The following CSMD1 variants were observed in gnomAD, a reference collection of about 807,000 sequenced individuals.
CSMD1 encodes the protein CUB and Sushi multiple domains 1, also known as CUB and sushi domain-containing protein 1.
CSMD1 carries 213 observed loss-of-function variants against 417.5 expected under a neutral mutation model. The ratio of observed to expected loss-of-function variants is 0.51; its 90% CI spans 0.46 to 0.57. The LOEUF (loss-of-function observed/expected upper bound fraction) is 0.57, where lower values mean the gene tolerates loss of function less well. Ranked by LOEUF, CSMD1 falls within the 20% of genes least tolerant of loss-of-function variation. The pLI is 0.00. For synonymous variants in CSMD1, 2,862 were observed against 1,736.8 expected, an observed-to-expected ratio of 1.65 and a Z score of -16.11; for missense variants, 6,923 against 4,529.7, an observed-to-expected ratio of 1.53 and a Z score of -15.17.
intron 21 of CSMD1, among the ~76,000 whole-genome samples, chr8:3,357,456 T>A (rs910637097): frequency 7.2e-5 from 11 of 152,266 alleles, no homozygotes; most frequent in African/African-American, 2.7e-4. Flanking sequence ...CAGTGCCTAG[T>A]CTACCACACA....
chr8:4,586,255 A>C (rs1799694255), intron 2 of CSMD1, among the ~76,000 whole-genome samples: 1 of 152,214 alleles, frequency 6.6e-6, no homozygotes, highest in Non-Finnish European at 1.5e-5. Flanking sequence ...ACTAGTTCTT[A>C]TTCATTCTGA....
intron 3 of CSMD1, among the ~76,000 whole-genome samples, chr8:4,293,984 C>G (rs964559923): frequency 1.3e-5 from 2 of 151,780 alleles, no homozygotes; most frequent in African/African-American, 2.4e-5. Context: ...TTTGAACTTA[C>G]CAAATAGTGT....
At chr8:3,681,891 T>C (rs939082553) in intron 7 of CSMD1, among the ~76,000 whole-genome samples, 10 of 152,022 alleles carry the variant, frequency 6.6e-5, no homozygotes, top group African/African-American at 1.7e-4. Context: ...ATACCACACA[T>C]CTACGACTAT....
intron 6 of CSMD1, 63 bp from the exon 7 acceptor site, chr8:3,708,554 T>C (rs977735714): frequency 9.7e-5 from 134 of 1,383,516 alleles, no homozygotes; most frequent in Non-Finnish European, 1.2e-4. Flanking sequence ...CCATGTTGTA[T>C]CCACACAGCA....
At chr8:3,542,264 T>C (rs1798471872) in intron 10 of CSMD1, among the ~76,000 whole-genome samples, 1 of 152,212 alleles carries the variant, frequency 6.6e-6, no homozygotes, top group African/African-American at 2.4e-5. Context: ...CTTTACTCTT[T>C]TATGTCATCT....
chr8:3,234,827 A>G (rs1799054777), intron 26 of CSMD1, among the ~76,000 whole-genome samples: 1 of 152,236 alleles, frequency 6.6e-6, no homozygotes, highest in Non-Finnish European at 1.5e-5. Flanking sequence ...CCAAAGGGGT[A>G]CCCTTCCTGA....
intron 1 of CSMD1, among the ~76,000 whole-genome samples, chr8:4,736,721 G>A (rs983030578): frequency 2.0e-5 from 3 of 152,128 alleles, no homozygotes; most frequent in Non-Finnish European, 2.9e-5. Context: ...AAAAGTTACT[G>A]GGAGAAAATG....
intron 3 of CSMD1, among the ~76,000 whole-genome samples, chr8:4,217,980 A>G (rs1339376856): frequency 6.6e-6 from 1 of 152,184 alleles, no homozygotes; most frequent in African/African-American, 2.4e-5. Flanking sequence ...TTGGTGGGAA[A>G]CAGTGAAGAA....
intron 1 of CSMD1, among the ~76,000 whole-genome samples, chr8:4,923,099 G>C (rs527572400): frequency 3.9e-5 from 6 of 152,164 alleles, no homozygotes; most frequent in African/African-American, 1.4e-4. Flanking sequence ...TTGAAATAAA[G>C]GGATATCAAT....
intron 17 of CSMD1, among the ~76,000 whole-genome samples, chr8:3,392,312 T>C (rs1811399941): frequency 6.6e-6 from 1 of 152,086 alleles, no homozygotes; most frequent in African/African-American, 2.4e-5. Flanking sequence ...AAAATAATAA[T>C]TCTTGGGTCA....
intron 10 of CSMD1, among the ~76,000 whole-genome samples, chr8:3,512,436 T>G (rs1797115110): frequency 6.6e-6 from 1 of 152,126 alleles, no homozygotes; most frequent in African/African-American, 2.4e-5. Flanking sequence ...ATTTATGTAT[T>G]TGTAATCCTG....
intron 6 of CSMD1, among the ~76,000 whole-genome samples, chr8:3,715,016 A>T (rs989277279): frequency 5.9e-5 from 9 of 152,164 alleles, no homozygotes; most frequent in African/African-American, 2.2e-4. Context: ...TTGCTTTCAA[A>T]ATGTTTAACT....
intron 11 of CSMD1, among the ~76,000 whole-genome samples, chr8:3,483,885 G>T (rs749830089): frequency 6.6e-6 from 1 of 152,126 alleles, no homozygotes; most frequent in Non-Finnish European, 1.5e-5. Flanking sequence ...GCTAAAGAAA[G>T]AACATGATAT....
chr8:3,291,997 A>G (rs941903777), intron 25 of CSMD1, among the ~76,000 whole-genome samples: 2 of 151,416 alleles, frequency 1.3e-5, no homozygotes, highest in South Asian at 2.1e-4. Context: ...CACTGCTTTG[A>G]ATGTGTCCCA....
chr8:4,480,187 C>CAAAAAAA (rs763375040), intron 2 of CSMD1, among the ~76,000 whole-genome samples: 1 of 103,776 alleles, frequency 9.6e-6, no homozygotes, highest in African/African-American at 3.2e-5. Flanking sequence ...TGTTATCTCA[C>CAAAAAAA]AAAAAAAAAA....
At chr8:4,709,819 T>A (rs1000399378) in intron 1 of CSMD1, among the ~76,000 whole-genome samples, 1 of 152,048 alleles carries the variant, frequency 6.6e-6, no homozygotes, top group Admixed American at 6.6e-5. Context: ...AAGAGCACAG[T>A]GTCCAGTCGT....
chr8:3,467,321 G>T (rs1252101353), intron 12 of CSMD1, among the ~76,000 whole-genome samples: 1 of 152,222 alleles, frequency 6.6e-6, no homozygotes, highest in East Asian at 1.9e-4. Context: ...CTGTTGGGAA[G>T]TGTCTGGTAT....
At chr8:3,150,776 G>A (rs181999198) in intron 40 of CSMD1, among the ~76,000 whole-genome samples, 1 of 152,260 alleles carries the variant, frequency 6.6e-6, no homozygotes, top group Non-Finnish European at 1.5e-5. Flanking sequence ...GGAAAGGCGT[G>A]AGAGGGGATC....
intron 49 of CSMD1, among the ~76,000 whole-genome samples, chr8:3,056,289 T>A (rs1055693001): frequency 6.6e-6 from 1 of 152,196 alleles, no homozygotes; most frequent in Admixed American, 6.5e-5. Context: ...AAACCCCACA[T>A]GGGATTTCTT....
Sources: allele counts gnomAD v4.1 joint callset (sites outside exome capture counted in the v4.1 genomes callset), GRCh38; gene constraint gnomAD v4.1.1; transcripts MANE v1.5; gene names NCBI Gene and HGNC (gene_info 2026-07-23, HGNC 2026-07-21).